MGMT: variants seen among roughly 807,000 people sequenced by gnomAD.
The protein encoded by MGMT is O-6-methylguanine-DNA methyltransferase.
Under a neutral mutation model 15.9 loss-of-function variants are expected in MGMT, and 14 were observed. The ratio of observed to expected loss-of-function variants is 0.88; its 90% confidence interval spans 0.58 to 1.37. The LOEUF (loss-of-function observed/expected upper bound fraction) is 1.37. Among genes scored for constraint, MGMT ranks in the 40% most tolerant of loss-of-function variants. The probability of loss-of-function intolerance (pLI) is 0.00; values close to 1 mark genes in which losing one functional copy is unlikely to be tolerated. For synonymous variants in MGMT, 130 were observed against 118.2 expected (o/e 1.10, Z -0.65); for missense variants, 282 against 268.1 (o/e 1.05, Z -0.36).
intron 1 of MGMT, among the ~76,000 whole-genome samples, chr10:129,504,484 G>T (rs1845605198): frequency 6.6e-6 from 1 of 152,210 alleles, no homozygotes; most frequent in Non-Finnish European, 1.5e-5. Context: ...TGAATGTGTT[G>T]CAGGACAGTT....
At chr10:129,738,203 G>C (rs1033125015) in intron 3 of MGMT, among the ~76,000 whole-genome samples, 1 of 152,176 alleles carries the variant, frequency 6.6e-6, no homozygotes, top group Non-Finnish European at 1.5e-5. Context: ...AGCAATCAGC[G>C]AGACTCCGTG....
intron 3 of MGMT, among the ~76,000 whole-genome samples, chr10:129,722,018 A>C (rs933333692): frequency 6.6e-6 from 1 of 152,112 alleles, no homozygotes; most frequent in Non-Finnish European, 1.5e-5. Context: ...TATATTTTCT[A>C]CTAGACAAAA....
chr10:129,721,590 C>T (rs1474136525), intron 3 of MGMT, among the ~76,000 whole-genome samples: 1 of 152,110 alleles, frequency 6.6e-6, no homozygotes, highest in Non-Finnish European at 1.5e-5. Flanking sequence ...GTTTATAATA[C>T]ACGTAGAAGG....
At chr10:129,512,244 T>C (rs1845692007) in intron 1 of MGMT, among the ~76,000 whole-genome samples, 1 of 152,214 alleles carries the variant, frequency 6.6e-6, no homozygotes, top group Admixed American at 6.5e-5. Flanking sequence ...GGACTGCCTG[T>C]AGTACTGCTT....
chr10:129,610,889 G>T (rs1381286067), intron 2 of MGMT, among the ~76,000 whole-genome samples: 1 of 152,186 alleles, frequency 6.6e-6, no homozygotes, highest in Non-Finnish European at 1.5e-5. Context: ...TATCCCTAGA[G>T]CCTACAACAG....
At position 129,659,430 on chromosome 10, in the gene MGMT, G is replaced by A. The variant is rs187284367; in HGVS notation, c.126-48465G>A. Among the ~76,000 whole-genome samples, 160 of 152,104 alleles carry A rather than the reference G, an allele frequency of 1.1e-3. No individual in the cohort carries two copies. Among genetic ancestry groups the A allele is most frequent in the Non-Finnish European group, 1.8e-3 (125 of 68,026 alleles). On this transcript the variant is annotated intron_variant, in intron 2 of 4. Transcript: ENST00000651593. This position sits in a 1 kb window ranked among gnomAD's most constrained non-coding sequence, Gnocchi z 4.1. ...TGTTTTCTAAATGCGTTTGGCTGGA[G>A]ATAGAACAGATCCTGCCTCTATCCA...
chr10:129,535,738 C>T (rs1307618140), intron 1 of MGMT, among the ~76,000 whole-genome samples: 2 of 152,224 alleles, frequency 1.3e-5, no homozygotes, highest in Non-Finnish European at 1.5e-5. Flanking sequence ...TCCGGGCTGG[C>T]TCCTAACACA....
At chr10:129,748,402 T>C (rs1247609264) in intron 3 of MGMT, among the ~76,000 whole-genome samples, 1 of 152,202 alleles carries the variant, frequency 6.6e-6, no homozygotes, top group Non-Finnish European at 1.5e-5. Flanking sequence ...ACTGGAATGT[T>C]TGTCTTTGTT....
intron 2 of MGMT, among the ~76,000 whole-genome samples, chr10:129,606,614 A>G (rs1424054313): frequency 6.6e-6 from 1 of 152,250 alleles, no homozygotes; most frequent in African/African-American, 2.4e-5. Flanking sequence ...GGAAATTTGA[A>G]ATAAAGTCAT....
intron 1 of MGMT, among the ~76,000 whole-genome samples, chr10:129,527,860 C>T (rs1845887763): frequency 6.6e-6 from 1 of 152,132 alleles, no homozygotes; most frequent in Non-Finnish European, 1.5e-5. Context: ...CTGGCCACCA[C>T]CTTCTGCTCC....
At position 129,766,365 on chromosome 10, in the gene MGMT, T is replaced by G. The variant is rs559715421; in HGVS notation, c.415-423T>G. ...AGGCCCGTGCAGGTACGGTCTTCTC[T>G]GATGCGTCCTGTGATGCCTGCGTGG... On this transcript the variant is annotated intron_variant, in intron 4 of 4. Coordinates refer to ENST00000651593, the MANE Select transcript of MGMT (RefSeq NM_002412.5). Among the ~76,000 whole-genome samples, 5 of 152,348 alleles carry G rather than the reference T, an allele frequency of 3.3e-5. No individual in the cohort carries two copies. The South Asian group carries it at 1.0e-3, about 32-fold the overall frequency.
At chr10:129,680,585 G>A (rs1484358922) in intron 2 of MGMT, among the ~76,000 whole-genome samples, 8 of 131,974 alleles carry the variant, frequency 6.1e-5, no homozygotes, top group East Asian at 3.9e-4. Flanking sequence ...ACATCCAGGC[G>A]TGGAAGGGAA....
At position 129,769,661 on chromosome 10, in the gene MGMT, G is replaced by A. The variant is rs1054159070; in HGVS notation, c.*2664G>A. ...CTTGTGGCAAAATAAGTTGCCTTTG[G>A]CCACGCAGGAGACTGAGTTTTGTGA... On this transcript the variant is annotated 3_prime_UTR_variant, in exon 5 of 5. Transcript: ENST00000651593. 2.6e-5 allele frequency among the ~76,000 whole-genome samples: 4 copies of A among 152,170 alleles called. No individual in the cohort carries two copies. Among genetic ancestry groups the A allele is most frequent in the Non-Finnish European group, 5.9e-5 (4 of 68,036 alleles).
intron 2 of MGMT, among the ~76,000 whole-genome samples, chr10:129,681,864 C>T (rs550184886): frequency 6.6e-6 from 1 of 152,292 alleles, no homozygotes; most frequent in South Asian, 2.1e-4. Flanking sequence ...GTATTCAGAA[C>T]ATGAAACCAA....
chr10:129,713,213 G>A (rs1848253181), intron 3 of MGMT, among the ~76,000 whole-genome samples: 1 of 152,126 alleles, frequency 6.6e-6, no homozygotes, highest in Non-Finnish European at 1.5e-5. Context: ...TTTTAAACGA[G>A]GGCTCATAAA....
chr10:129,741,658 G>C (rs1467072531), intron 3 of MGMT, among the ~76,000 whole-genome samples: 2 of 152,148 alleles, frequency 1.3e-5, no homozygotes, highest in South Asian at 2.1e-4. Flanking sequence ...AGGAGGGACT[G>C]ATATTTCGAG....
At chr10:129,693,131 GTGTAAGTC>G (rs1847988386) in intron 2 of MGMT, among the ~76,000 whole-genome samples, 1 of 152,178 alleles carries the variant, frequency 6.6e-6, no homozygotes, top group Admixed American at 6.5e-5. Context: ...TCTGATGGTC[GTGTAAGTC>G]CATGTTAACA....
chr10:129,504,709 T>A (rs1845607877), intron 1 of MGMT, among the ~76,000 whole-genome samples: 1 of 152,164 alleles, frequency 6.6e-6, no homozygotes, highest in Non-Finnish European at 1.5e-5. Context: ...ATCAGGAGCT[T>A]CCCAGCACCC....
At chr10:129,606,300 C>G (rs1295355159) in intron 2 of MGMT, among the ~76,000 whole-genome samples, 1 of 152,216 alleles carries the variant, frequency 6.6e-6, no homozygotes, top group Non-Finnish European at 1.5e-5. Flanking sequence ...CCTGTTTATA[C>G]TTAATGACCT....
Sources: gnomAD v4.1 joint callset for allele counts (sites outside exome capture counted in the v4.1 genomes callset) on GRCh38, gnomAD v4.1.1 for gene constraint, Gnocchi (gnomAD v3.1) non-coding constraint, MANE v1.5 for transcripts, NCBI Gene and HGNC (gene_info 2026-07-23, HGNC 2026-07-21) for gene names.